The following LDLRAD4 variants were observed in gnomAD, a reference collection of about 807,000 sequenced individuals.
LDLRAD4 encodes the protein low density lipoprotein receptor class A domain containing 4.
Under a neutral mutation model 17.0 loss-of-function variants are expected in LDLRAD4, and 5 were observed. The ratio of observed to expected loss-of-function variants is 0.29; its 90% confidence interval spans 0.15 to 0.62. The LOEUF is 0.62. LDLRAD4 is among the 20% of genes least tolerant of loss of function. The pLI is 0.84. For synonymous variants in LDLRAD4, 168 were observed against 171.8 expected, an observed-to-expected ratio of 0.98 and a Z score of 0.17; for missense variants, 340 against 424.7, an observed-to-expected ratio of 0.80 and a Z score of 1.75.
intron 1 of LDLRAD4, among the ~76,000 whole-genome samples, chr18:13,305,235 C>T (rs1474354504): frequency 6.6e-6 from 1 of 152,130 alleles, no homozygotes; most frequent in Admixed American, 6.5e-5. Flanking sequence ...AAAACTTATG[C>T]ACACACTTAC....
intron 3 of LDLRAD4, chr18:13,487,399 AC>A (rs2093253196): frequency 6.6e-6 from 1 of 152,286 alleles, no homozygotes; most frequent in Non-Finnish European, 1.5e-5. Context: ...ATGTGGCCAG[AC>A]CAGGAAGGGC....
intron 1 of LDLRAD4, among the ~76,000 whole-genome samples, chr18:13,322,744 A>AG (rs1314611293): frequency 1.3e-5 from 2 of 149,834 alleles, no homozygotes; most frequent in African/African-American, 4.9e-5. Context: ...CAGCCTCCCC[A>AG]GTAGCTGGGA....
rs929989557 is a variant in LDLRAD4 at position 13,612,565 on chromosome 18, C to T, written c.182-8552C>T. On this transcript the variant is annotated intron_variant, in intron 3 of 5. Coordinates refer to ENST00000359446, the Ensembl canonical transcript of LDLRAD4. Reference sequence around the variant, plus strand: ...AACACACCCCCCCCCCCTCCACGCTCACACACTCTCCCACACCCCATGCCA... The same window carrying T: ...AACACACCCCCCCCCCCTCCACGCTTACACACTCTCCCACACCCCATGCCA... 230 of 1,462,582 alleles carry T rather than the reference C, an allele frequency of 1.6e-4. 2 individuals are homozygous for T. Among genetic ancestry groups the T allele is most frequent in the Admixed American group, 1.2e-4 (5 of 42,372 alleles). 90.6% of individuals were successfully genotyped at this position (1,462,582 alleles called of 1,614,324 possible).
intron 3 of LDLRAD4, among the ~76,000 whole-genome samples, chr18:13,591,598 AACAGAT>A (rs2095030714): frequency 6.6e-6 from 1 of 152,204 alleles, no homozygotes; most frequent in Non-Finnish European, 1.5e-5. Flanking sequence ...TTTTAAAGTT[AACAGAT>A]ACTAGGTCTA....
chr18:13,640,561 A>G (rs530973249), intron 4 of LDLRAD4, among the ~76,000 whole-genome samples: 126 of 152,126 alleles, frequency 8.3e-4, no homozygotes, highest in African/African-American at 2.8e-3. Context: ...ACCTTTTTCC[A>G]CCCCAGCAAG....
At chr18:13,442,311 C>T (rs915310543) in intron 3 of LDLRAD4, among the ~76,000 whole-genome samples, 2 of 152,156 alleles carry the variant, frequency 1.3e-5, no homozygotes, top group South Asian at 2.1e-4. Context: ...GAGTGAGGGC[C>T]GAGCGGGTCC....
intron 1 of LDLRAD4, among the ~76,000 whole-genome samples, chr18:13,222,024 C>T (rs1234594864): frequency 6.6e-6 from 1 of 152,222 alleles, no homozygotes; most frequent in African/African-American, 2.4e-5. Context: ...CGGCAGCCTG[C>T]CAGACTCCAC....
chr18:13,354,305 A>G (rs1311781777), intron 1 of LDLRAD4, among the ~76,000 whole-genome samples: 1 of 152,208 alleles, frequency 6.6e-6, no homozygotes, highest in Non-Finnish European at 1.5e-5. Context: ...TTATGCTAAA[A>G]TTTATCATAT....
chr18:13,378,898 G>A (rs146565393), intron 1 of LDLRAD4, among the ~76,000 whole-genome samples: 156 of 152,334 alleles, frequency 1.0e-3, no homozygotes, highest in African/African-American at 3.7e-3. Context: ...TATCAGTTGG[G>A]TCAGATCAGA....
chr18:13,470,011 G>C (rs1274207454), intron 3 of LDLRAD4, among the ~76,000 whole-genome samples: 4 of 152,146 alleles, frequency 2.6e-5, no homozygotes, highest in Non-Finnish European at 5.9e-5. Flanking sequence ...AGAAAAAATC[G>C]TGGGACTATT....
intron 1 of LDLRAD4, among the ~76,000 whole-genome samples, chr18:13,340,816 A>G (rs2082334842): frequency 6.6e-6 from 1 of 152,126 alleles, no homozygotes; most frequent in African/African-American, 2.4e-5. Flanking sequence ...ATCCAATGTC[A>G]TAAAGCTTTT....
chr18:13,376,361 G>C (rs371192377), intron 1 of LDLRAD4, among the ~76,000 whole-genome samples: 9 of 152,284 alleles, frequency 5.9e-5, no homozygotes, highest in East Asian at 1.9e-4. Context: ...CGCGGCCCAC[G>C]GTCGCTTAGA....
At chr18:13,506,975 T>C (rs1360614186) in intron 3 of LDLRAD4, among the ~76,000 whole-genome samples, 2 of 152,188 alleles carry the variant, frequency 1.3e-5, no homozygotes, top group Non-Finnish European at 2.9e-5. Context: ...AGATACCGTG[T>C]TTTTTACAAG....
chr18:13,603,654 G>A (rs1030702945), intron 3 of LDLRAD4, among the ~76,000 whole-genome samples: 3 of 152,188 alleles, frequency 2.0e-5, no homozygotes, highest in African/African-American at 7.2e-5. Context: ...CACAGGAAGC[G>A]CCATCTCAGT....
At position 13,645,180 on chromosome 18, in the gene LDLRAD4, G is replaced by A; in HGVS notation, c.444G>A (p.Gln148=). The A allele has an allele frequency of 6.2e-7, 1 of 1,614,002 alleles. No homozygotes were observed. The highest frequency in any genetic ancestry group is 8.5e-7 in the Non-Finnish European group (1 of 1,180,000). The change falls in exon 6 of 6, where the codon CAG becomes CAA. Residue 148 remains glutamine (Q), a synonymous_variant. Transcript: ENST00000359446. The surrounding 1 kb of genome is among the most constrained non-coding windows in gnomAD (Gnocchi z 5.7). The stretch of plus-strand genomic sequence containing the variant: ...GGTTCACAGCGCCGTCCTTCATCCA[G>A]AGGGATCGCTTCAGCCGCTTCCAGC...
chr18:13,529,573 G>A (rs1300788790), intron 3 of LDLRAD4, among the ~76,000 whole-genome samples: 1 of 152,226 alleles, frequency 6.6e-6, no homozygotes, highest in African/African-American at 2.4e-5. Flanking sequence ...CCTTTAGGAT[G>A]GGATCTATCA....
chr18:13,488,790 G>T (rs1340869631), intron 3 of LDLRAD4: 2 of 152,236 alleles, frequency 1.3e-5, no homozygotes, highest in Non-Finnish European at 2.9e-5. Context: ...CCCCAGACCA[G>T]ACTCCCCAGA....
intron 2 of LDLRAD4, among the ~76,000 whole-genome samples, chr18:13,399,319 C>T (rs749252023): frequency 1.1e-4 from 17 of 152,194 alleles, no homozygotes; most frequent in Non-Finnish European, 2.2e-4. Context: ...TGTACCACAC[C>T]ACCCTGTGTG....
At chr18:13,444,361 T>G (rs2091244687) in intron 3 of LDLRAD4, among the ~76,000 whole-genome samples, 1 of 152,238 alleles carries the variant, frequency 6.6e-6, no homozygotes, top group Non-Finnish European at 1.5e-5. Flanking sequence ...TCTCCCCTTC[T>G]CTTCCTTATG....
Sources: allele counts gnomAD v4.1 joint callset (sites outside exome capture counted in the v4.1 genomes callset), GRCh38; gene constraint gnomAD v4.1.1; non-coding constraint Gnocchi (gnomAD v3.1); transcripts MANE v1.5; gene names NCBI Gene and HGNC (gene_info 2026-07-23, HGNC 2026-07-21).